Variants in ATG14 observed in about 807,000 individuals in gnomAD.
ATG14 encodes the protein autophagy related 14.
ATG14 carries 35 observed loss-of-function variants against 60.4 expected under a neutral mutation model. That is an observed-to-expected ratio of 0.58 (90% confidence interval 0.44 to 0.77). ATG14 has a LOEUF of 0.77. Among genes scored for constraint, ATG14 ranks in the 30% least tolerant of loss-of-function variants. The pLI, the probability that ATG14 is intolerant of heterozygous loss-of-function variation, is 0.00. For missense variants in ATG14, 647 were observed against 626.3 expected, an observed-to-expected ratio of 1.03 and a Z score of -0.35; for synonymous variants, 234 against 228.8, an observed-to-expected ratio of 1.02 and a Z score of -0.21.
chr14:55,378,989 G>A (rs1884977991), intron 7 of ATG14, among the ~76,000 whole-genome samples: 1 of 152,002 alleles, frequency 6.6e-6, no homozygotes, highest in Non-Finnish European at 1.5e-5. Flanking sequence ...ATTACAGGCA[G>A]GCATGAGCCA....
chr14:55,374,758 C>T lies in ATG14; in HGVS notation c.1172+3061G>A, dbSNP rs371976031. On this transcript the variant is annotated intron_variant, in intron 9 of 9. Coordinates refer to ENST00000247178, the MANE Select transcript of ATG14 (RefSeq NM_014924.5). ...CCATATGAATACCCAACTGGCCCAA[C>T]GCTATTGAACCATTATCTGATTCAA... Among the ~76,000 whole-genome samples the T allele has an allele frequency of 1.8e-3, 269 of 152,276 alleles. 2 individuals carry two copies. The highest frequency in any genetic ancestry group is 6.0e-3 in the African/African-American group (250 of 41,558).
intron 5 of ATG14, 105 bp from the exon 6 acceptor site, chr14:55,382,296 C>T (rs1885049902): frequency 1.1e-6 from 1 of 919,118 alleles, no homozygotes; most frequent in Admixed American, 2.6e-5. Context: ...CCTATGAGCA[C>T]AGAAATTTTA....
In ATG14 at chr14:55,377,923, T is replaced by C. The variant is rs1307240107; in HGVS notation, c.1087-19A>G. ...TTACATGCTAAAAAAAATTAAAGAA[T>C]TGGTTAATATTTTCAACTATTTAAC... On this transcript the variant is annotated intron_variant, in intron 8 of 9. Transcript: ENST00000247178. The C allele has an allele frequency of 1.6e-5, 26 of 1,593,956 alleles. No homozygotes were observed. The highest frequency in any genetic ancestry group is 1.7e-4 in the Middle Eastern group (1 of 5,970).
chr14:55,394,195 T>TG (rs1007065362), intron 3 of ATG14, among the ~76,000 whole-genome samples: 2 of 146,400 alleles, frequency 1.4e-5, no homozygotes, highest in African/African-American at 5.5e-5. Flanking sequence ...TTAGTACAGA[T>TG]GGGGTTTCAC....
At chr14:55,370,758 A>G (rs1202208345) in intron 9 of ATG14, among the ~76,000 whole-genome samples, 3 of 151,512 alleles carry the variant, frequency 2.0e-5, no homozygotes, top group African/African-American at 7.3e-5. Flanking sequence ...CTCCTGCCTC[A>G]ACCTCCTGAG....
chr14:55,381,242 G>C (rs1433070343), intron 6 of ATG14, among the ~76,000 whole-genome samples: 3 of 152,136 alleles, frequency 2.0e-5, no homozygotes, highest in Admixed American at 2.0e-4. Flanking sequence ...ATGACACAAA[G>C]CATGAGCTCA....
intron 5 of ATG14, 36 bp downstream of exon 5, chr14:55,385,823 A>T (rs748603978): frequency 4.0e-6 from 6 of 1,511,774 alleles, no homozygotes; most frequent in Non-Finnish European, 5.4e-6. Context: ...TTGGAACTTG[A>T]TCTATTCCTG....
At chr14:55,399,757 G>C (rs554925870) in intron 1 of ATG14, among the ~76,000 whole-genome samples, 1 of 152,236 alleles carries the variant, frequency 6.6e-6, no homozygotes, top group East Asian at 1.9e-4. Context: ...CCATGCAAAG[G>C]ACTGACAGGG....
At chr14:55,395,609 C>T (rs1413564061) in intron 3 of ATG14, among the ~76,000 whole-genome samples, 2 of 152,234 alleles carry the variant, frequency 1.3e-5, no homozygotes, top group Middle Eastern at 3.4e-3. Context: ...AAATAGCCAC[C>T]CATATTTTCT....
At chr14:55,373,214 C>G (rs941114465) in intron 9 of ATG14, among the ~76,000 whole-genome samples, 6 of 152,154 alleles carry the variant, frequency 3.9e-5, no homozygotes, top group African/African-American at 1.2e-4. Context: ...TAATGGATAT[C>G]TTTTTATTCA....
chr14:55,377,583 A>G (rs920192555), intron 9 of ATG14, among the ~76,000 whole-genome samples: 6 of 152,190 alleles, frequency 3.9e-5, no homozygotes, highest in Admixed American at 6.5e-5. Context: ...GGGTTCTTCA[A>G]CTGCGCTTCA....
At chr14:55,407,513 C>A (rs1885510301) in intron 1 of ATG14, among the ~76,000 whole-genome samples, 1 of 152,200 alleles carries the variant, frequency 6.6e-6, no homozygotes, top group African/African-American at 2.4e-5. Context: ...GATCCGCCTG[C>A]CTCGGCCTCC....
chr14:55,395,220 T>C, intron 3 of ATG14: 2 of 371,196 alleles, frequency 5.4e-6, no homozygotes, highest in Non-Finnish European at 1.1e-5. Flanking sequence ...GGAGCTGACC[T>C]TCCTCTTGGG....
chr14:55,374,106 C>T (rs1310877394), intron 9 of ATG14, among the ~76,000 whole-genome samples: 1 of 152,248 alleles, frequency 6.6e-6, no homozygotes, highest in Non-Finnish European at 1.5e-5. Flanking sequence ...GCTTTTTTCC[C>T]TCAACTACCA....
intron 3 of ATG14, among the ~76,000 whole-genome samples, 192 bp downstream of exon 3, chr14:55,395,748 G>T (rs929581372): frequency 4.6e-5 from 7 of 152,016 alleles, no homozygotes; most frequent in Non-Finnish European, 1.0e-4. Flanking sequence ...CTTTACAATG[G>T]CTCCATAATT....
chr14:55,390,900 G>C lies in ATG14; in HGVS notation c.409+11C>G, dbSNP rs368639112. On this transcript the variant is annotated intron_variant, in intron 4 of 9. Transcript: ENST00000247178. ...TTTCTAGGGCTGGAAGGAAGGACAC[G>C]AATTACTTACTTTTCTCCATTTCTT... The C allele has an allele frequency of 1.3e-6, 2 of 1,554,674 alleles. No individual in the cohort carries two copies. The highest frequency in any genetic ancestry group is 8.8e-7 in the Non-Finnish European group (1 of 1,134,412).
chr14:55,382,017 C>G lies in ATG14; in HGVS notation c.822G>C (p.Gly274=). ...TGPWISLPNN[G]DYSAYYSWVE... ...CCCAGCTGTAGTAGGCAGAGTAGTC[C>G]CCATTGTTAGGGAGGCTAATCCAAG... is the stretch of plus-strand genomic sequence containing the variant. The change falls in exon 6 of 10, where the codon GGG becomes GGC. Residue 274 remains glycine (G), a synonymous_variant. Coordinates refer to ENST00000247178, the MANE Select transcript of ATG14 (RefSeq NM_014924.5). 6.2e-7 allele frequency: 1 copy of G among 1,614,084 alleles called. No homozygotes were observed. The highest frequency in any genetic ancestry group is 1.1e-5 in the South Asian group (1 of 91,064).
intron 3 of ATG14, 101 bp downstream of exon 3, chr14:55,395,839 T>G: frequency 1.2e-6 from 1 of 859,434 alleles, no homozygotes; most frequent in Non-Finnish European, 1.6e-6. Flanking sequence ...AGAGGACTGC[T>G]AAATACGATT....
chr14:55,369,596 TG>T lies in ATG14; in HGVS notation c.*22del. On this transcript the variant is annotated 3_prime_UTR_variant, in exon 10 of 10. Transcript: ENST00000247178. ...GAGAAGAACTTTCTTGATGCAGATT[TG>T]GTATGTTTTGGTCCATGCTCGTTAA... The T allele has an allele frequency of 6.8e-7, 1 of 1,466,548 alleles. No homozygotes were observed. The highest frequency in any genetic ancestry group is 2.3e-5 in the East Asian group (1 of 43,346). 90.8% of individuals were successfully genotyped at this position (1,466,548 alleles called of 1,614,324 possible).
Sources: allele counts gnomAD v4.1 joint callset (sites outside exome capture counted in the v4.1 genomes callset), GRCh38; gene constraint gnomAD v4.1.1; transcripts MANE v1.5; gene names NCBI Gene and HGNC (gene_info 2026-07-23, HGNC 2026-07-21).